Variants in ZNF777 observed in about 807,000 individuals in gnomAD.
ZNF777 encodes zinc finger protein 777.
ZNF777 carries 7 observed loss-of-function variants against 72.1 expected under a neutral mutation model. That is an observed-to-expected ratio of 0.10 (90% CI 0.06 to 0.18). The LOEUF (loss-of-function observed/expected upper bound fraction) is 0.18, where lower values mean the gene tolerates loss of function less well. Among genes scored for constraint, ZNF777 ranks in the 10% least tolerant of loss-of-function variants. The probability of loss-of-function intolerance (pLI) is 1.00; values close to 1 mark genes in which losing one functional copy is unlikely to be tolerated. For synonymous variants in ZNF777, 545 were observed against 483.5 expected (o/e 1.13, Z -1.67); for missense variants, 828 against 1,128.6 (o/e 0.73, Z 3.82).
chr7:149,440,678 T>TG (rs1563235216), intron 4 of ZNF777, among the ~76,000 whole-genome samples: 3 of 146,192 alleles, frequency 2.1e-5, no homozygotes, highest in Non-Finnish European at 3.0e-5. Flanking sequence ...TTTTTGTTTT[T>TG]TTTTTTTTTT....
Position 149,432,346 on chromosome 7 carries a change from G to T in ZNF777, c.1926C>A (p.Asp642Glu). 1 of 1,610,146 alleles carries T rather than the reference G, an allele frequency of 6.2e-7. No homozygotes were observed. Residue 642 changes from aspartate (D) to glutamate (E), a missense_variant, in exon 6 of 6, where the codon GAC becomes GAA. Physicochemically the swap from Asp to Glu is conservative, Grantham distance 45 (BLOSUM62 2). Coordinates refer to ENST00000247930, the MANE Select transcript of ZNF777 (RefSeq NM_015694.3). ...GGCTGGACTTGTGGCTGAAGCTGCT[G>T]TCGCACTCGGGGCACTTGTAGGGCT... ...GPKPYKCPEC[D>E]SSFSHKSSLT...
chr7:149,453,480 A>T (rs1374507777), intron 3 of ZNF777, among the ~76,000 whole-genome samples: 1 of 152,218 alleles, frequency 6.6e-6, no homozygotes, highest in Non-Finnish European at 1.5e-5. Flanking sequence ...TATATATGTA[A>T]GTAAAGTATA....
intron 1 of ZNF777, among the ~76,000 whole-genome samples, chr7:149,459,188 T>C (rs1431606337): frequency 1.3e-5 from 2 of 152,204 alleles, no homozygotes; most frequent in Non-Finnish European, 2.9e-5. Flanking sequence ...ATATCCTGCC[T>C]CCTTCCTGTG....
chr7:149,457,528 C>T (rs1199975516), intron 1 of ZNF777, among the ~76,000 whole-genome samples: 3 of 152,196 alleles, frequency 2.0e-5, no homozygotes, highest in South Asian at 2.1e-4. Context: ...AATGACGTTC[C>T]TTTAGTCACC....
chr7:149,432,114 G>A lies in ZNF777; in HGVS notation c.2158C>T (p.Arg720Trp). 1 of 1,604,304 alleles carries A rather than the reference G, an allele frequency of 6.2e-7. No homozygotes were observed. Residue 720 changes from arginine (R) to tryptophan (W), a missense_variant, in exon 6 of 6, where the codon CGG becomes TGG. By Grantham distance (101) the Arg-to-Trp change is moderately radical (BLOSUM62 -3). Coordinates refer to ENST00000247930, the MANE Select transcript of ZNF777 (RefSeq NM_015694.3). ...LRHQRTHTGE[R>W]PFKCPECEKS... ...TCGCACTCGGGGCACTTGAAGGGCC[G>A]CTCGCCTGTGTGAGTCCGCTGGTGG...
At chr7:149,453,066 T>C (rs140811108) in intron 3 of ZNF777, among the ~76,000 whole-genome samples, 52 of 152,262 alleles carry the variant, frequency 3.4e-4, no homozygotes, top group African/African-American at 1.3e-3. Flanking sequence ...GTAAAATAAG[T>C]AAACGGGCCC....
chr7:149,455,575 C>T lies in ZNF777; in HGVS notation c.448G>A (p.Asp150Asn). Residue 150 changes from aspartate (D) to asparagine (N), a missense_variant, in exon 2 of 6, where the codon GAC (aspartate) becomes AAC (asparagine). Coordinates refer to ENST00000247930, the MANE Select transcript of ZNF777 (RefSeq NM_015694.3). The surrounding 1 kb of genome is among the most constrained non-coding windows in gnomAD (Gnocchi z 4.2). ...LTLSPTVPET[D>N]MDPLLQSPVS... ...GGGCTCTGGAGCAGCGGGTCCATGT[C>T]AGTCTCGGGAACTGTTGGGGAAAGG... is the stretch of plus-strand genomic sequence containing the variant. 1 of 1,612,304 alleles carries T rather than the reference C, an allele frequency of 6.2e-7. No homozygotes were observed. Among genetic ancestry groups the T allele is most frequent in the Non-Finnish European group, 8.5e-7 (1 of 1,179,856 alleles).
chr7:149,445,719 G>C (rs1465770852), intron 4 of ZNF777, among the ~76,000 whole-genome samples: 1 of 152,166 alleles, frequency 6.6e-6, no homozygotes, highest in East Asian at 1.9e-4. Context: ...TGTCCAGAGA[G>C]CCTCCTTTGC....
rs1249305732 is a variant in ZNF777 at position 149,436,433 on chromosome 7, C to T, written c.1339+142G>A. The stretch of plus-strand genomic sequence containing the variant: ...GCGTCACGGAGCCTATACTCGAGGC[C>T]GTGCTTGGTAATTCTTTCCCACCTG... On this transcript the variant is annotated intron_variant, in intron 5 of 5. Coordinates refer to ENST00000247930, the MANE Select transcript of ZNF777 (RefSeq NM_015694.3). The surrounding 1 kb of genome is among the most constrained non-coding windows in gnomAD (Gnocchi z 5.0). 6.0e-6 allele frequency: 6 copies of T among 1,004,806 alleles called. No homozygotes were observed. The highest frequency in any genetic ancestry group is 3.2e-5 in the South Asian group (2 of 61,580). 62.2% of individuals were successfully genotyped at this position (1,004,806 alleles called of 1,614,324 possible).
At chr7:149,434,899 T>C (rs959090054) in intron 5 of ZNF777, among the ~76,000 whole-genome samples, 5 of 152,198 alleles carry the variant, frequency 3.3e-5, no homozygotes, top group African/African-American at 1.2e-4. Context: ...AAGGTGCTTT[T>C]TTCTTCATGG....
chr7:149,432,853 T>C lies in ZNF777; in HGVS notation c.1419A>G (p.Gln473=), dbSNP rs1342656432. The part of the protein sequence containing the change: ...EEEDELPQHL[Q]SLGQLSGRYE... ...ATCTCCCGGACAGCTGCCCAAGGGA[T>C]TGCAAGTGCTGCGGCAGCTCATCCT... Residue 473 remains glutamine, a synonymous_variant, in exon 6 of 6, where the codon CAA becomes CAG. Coordinates refer to ENST00000247930, the MANE Select transcript of ZNF777 (RefSeq NM_015694.3). 8 of 1,579,424 alleles carry C rather than the reference T, an allele frequency of 5.1e-6. No individual in the cohort carries two copies. The highest frequency in any genetic ancestry group is 6.0e-6 in the Non-Finnish European group (7 of 1,161,864).
At chr7:149,434,043 T>C (rs1799371276) in intron 5 of ZNF777, among the ~76,000 whole-genome samples, 1 of 152,176 alleles carries the variant, frequency 6.6e-6, no homozygotes, top group Admixed American at 6.5e-5. Context: ...CCTGTCCTTT[T>C]TTTTTCATGA....
chr7:149,451,875 T>C (rs942524033), intron 3 of ZNF777, among the ~76,000 whole-genome samples: 2 of 152,224 alleles, frequency 1.3e-5, no homozygotes, highest in East Asian at 3.8e-4. Context: ...TTAATATCCA[T>C]AGTTATACAT....
chr7:149,435,332 G>A (rs140704746), intron 5 of ZNF777, among the ~76,000 whole-genome samples: 29 of 152,054 alleles, frequency 1.9e-4, no homozygotes, highest in Middle Eastern at 3.4e-3. Flanking sequence ...CACCATTCCC[G>A]GCTAATTTTT....
chr7:149,438,218 G>A (rs775632949), intron 4 of ZNF777, among the ~76,000 whole-genome samples: 8 of 151,768 alleles, frequency 5.3e-5, no homozygotes, highest in Non-Finnish European at 7.4e-5. Context: ...GGCTGGTCTC[G>A]AACTCCTGGC....
chr7:149,433,498 C>G (rs185625576), intron 5 of ZNF777, among the ~76,000 whole-genome samples: 8 of 152,202 alleles, frequency 5.3e-5, no homozygotes, highest in Non-Finnish European at 8.8e-5. Flanking sequence ...CTGCTCAGAC[C>G]GGCCCACTTC....
chr7:149,453,713 A>T (rs1018354774), intron 3 of ZNF777, among the ~76,000 whole-genome samples: 9 of 152,198 alleles, frequency 5.9e-5, no homozygotes, highest in Non-Finnish European at 1.3e-4. Context: ...AGCACCTCAA[A>T]TGTGGCTGGT....
chr7:149,431,758 CG>C lies in ZNF777; in HGVS notation c.*17del. 6.8e-6 allele frequency: 10 copies of C among 1,465,820 alleles called. No homozygotes were observed. Among genetic ancestry groups the C allele is most frequent in the Non-Finnish European group, 8.9e-6 (10 of 1,120,298 alleles). The allele number at this position is 1,465,820 out of a possible 1,614,324, so 90.8% of individuals were successfully genotyped here. A position where few individuals can be genotyped will look rare whatever the true frequency, so the allele number is the denominator to read the frequency against. On this transcript the variant is annotated 3_prime_UTR_variant, in exon 6 of 6. Transcript: ENST00000247930. ...ACGGCCCGCGCACCTGGCCGGGCGG[CG>C]GCGGCGGGGCGCGCGCTCACTCGCC...
At chr7:149,451,137 T>C (rs1300744799) in intron 3 of ZNF777, 25 bp from the exon 4 acceptor site, 1 of 1,599,306 alleles carries the variant, frequency 6.3e-7, no homozygotes, top group South Asian at 1.1e-5. Flanking sequence ...GGGAAAAAAA[T>C]ATGCTCTGGG....
Sources: gnomAD v4.1 joint callset for allele counts (sites outside exome capture counted in the v4.1 genomes callset) on GRCh38, gnomAD v4.1.1 for gene constraint, Gnocchi (gnomAD v3.1) non-coding constraint, MANE v1.5 for transcripts, NCBI Gene and HGNC (gene_info 2026-07-23, HGNC 2026-07-21) for gene names.